The following PTPRD variants were observed in gnomAD, a reference collection of about 807,000 sequenced individuals.
The protein encoded by PTPRD is protein tyrosine phosphatase receptor type D, also known as receptor-type tyrosine-protein phosphatase delta.
In PTPRD, 34 loss-of-function variants were observed where a neutral mutation model predicts 214.5. That is an observed-to-expected ratio of 0.16 (90% confidence interval 0.12 to 0.21). The LOEUF (loss-of-function observed/expected upper bound fraction) is 0.21, where lower values mean the gene tolerates loss of function less well. Among genes scored for constraint, PTPRD ranks in the 10% least tolerant of loss-of-function variants. The pLI is 1.00. For missense variants in PTPRD, 2,545 were observed against 2,398.7 expected (o/e 1.06, Z -1.27); for synonymous variants, 1,128 against 845.7 (o/e 1.33, Z -5.79).
intron 2 of PTPRD, among the ~76,000 whole-genome samples, chr9:10,512,686 G>T (rs1034740789): frequency 3.3e-5 from 5 of 152,222 alleles, no homozygotes; most frequent in African/African-American, 1.2e-4. Flanking sequence ...TGGAAGAAAG[G>T]TTGTGGGTGG....
chr9:9,504,641 G>T (rs991246439), intron 8 of PTPRD, among the ~76,000 whole-genome samples: 16 of 151,562 alleles, frequency 1.1e-4, no homozygotes. Flanking sequence ...AGTACTAAAA[G>T]TCTTAGCCAG....
intron 2 of PTPRD, among the ~76,000 whole-genome samples, chr9:10,346,044 C>G (rs2097074578): frequency 6.6e-6 from 1 of 152,042 alleles, no homozygotes; most frequent in African/African-American, 2.4e-5. Flanking sequence ...TCATATATGA[C>G]AACACAGAAA....
chr9:10,430,918 T>A (rs1279965533), intron 2 of PTPRD, among the ~76,000 whole-genome samples: 1 of 151,966 alleles, frequency 6.6e-6, no homozygotes, highest in Non-Finnish European at 1.5e-5. Context: ...ATGGACATAT[T>A]TTAAGCTTTT....
rs1219020029 is a variant in PTPRD at position 9,315,491 on chromosome 9, GT to G, written c.-203+81957del. 5.3e-5 allele frequency among the ~76,000 whole-genome samples: 8 copies of G among 152,062 alleles called. No individual in the cohort carries two copies. The East Asian group carries it at 5.8e-4, about 11-fold the overall frequency. On this transcript the variant is annotated intron_variant, in intron 9 of 45. Transcript: ENST00000381196. ...CTGCCCATCCAATTCCAAAGTCTAT[GT>G]TTTTCTATATACCACACATTAATTC...
intron 7 of PTPRD, among the ~76,000 whole-genome samples, chr9:9,696,728 T>A (rs1177496112): frequency 6.6e-6 from 1 of 152,156 alleles, no homozygotes; most frequent in Admixed American, 6.6e-5. Context: ...AGGCAGCATA[T>A]AGTTGTGCCT....
At chr9:9,899,301 C>A (rs534548110) in intron 5 of PTPRD, among the ~76,000 whole-genome samples, 1 of 151,924 alleles carries the variant, frequency 6.6e-6, no homozygotes, top group Admixed American at 6.6e-5. Context: ...ACTTCTGAAC[C>A]GTGCATCTAA....
At chr9:8,523,557 A>G (rs368623322) in intron 18 of PTPRD, 33 bp from the exon 19 acceptor site, 73 of 1,611,846 alleles carry the variant, frequency 4.5e-5, no homozygotes, top group Non-Finnish European at 6.2e-5. Context: ...TGCAGAACAC[A>G]ATGAAATGAG....
At chr9:8,775,859 C>A (rs2095450549) in intron 11 of PTPRD, among the ~76,000 whole-genome samples, 1 of 140,948 alleles carries the variant, frequency 7.1e-6, no homozygotes. Flanking sequence ...AAAAATGATG[C>A]AATAATCTGC....
In PTPRD at chr9:9,780,174, C is replaced by T. The variant is rs185182116; in HGVS notation, c.-367-13323G>A. On this transcript the variant is annotated intron_variant, in intron 5 of 45. Transcript: ENST00000381196. ...CACAGAACAAGAAAGCCAAATATTG[C>T]GTATTCTCACTTATAAGTGGGAGCT... Among the ~76,000 whole-genome samples the T allele has an allele frequency of 2.3e-3, 354 of 152,166 alleles. 4 individuals carry two copies. The highest frequency in any genetic ancestry group is 3.4e-3 in the Non-Finnish European group (229 of 68,006).
At chr9:10,603,995 A>G (rs1039933590) in intron 2 of PTPRD, among the ~76,000 whole-genome samples, 3 of 151,862 alleles carry the variant, frequency 2.0e-5, no homozygotes, top group African/African-American at 7.2e-5. Flanking sequence ...TGTTAATAAC[A>G]CACCCTTTAA....
intron 27 of PTPRD, among the ~76,000 whole-genome samples, chr9:8,487,493 C>G (rs2097051118): frequency 6.6e-6 from 1 of 151,958 alleles, no homozygotes; most frequent in Admixed American, 6.6e-5. Flanking sequence ...ACTTTGGGAG[C>G]TGAGGTGGGA....
intron 7 of PTPRD, among the ~76,000 whole-genome samples, chr9:9,592,858 G>A (rs9407431): frequency 0.055 from 8,279 of 151,812 alleles, 332 homozygotes; most frequent in Non-Finnish European, 0.083. Flanking sequence ...CAGTCTGGCC[G>A]ACATGGTGAA....
rs971025074 is a variant in PTPRD at position 8,497,181 on chromosome 9, G to C, written c.2349+61C>G. On this transcript the variant is annotated intron_variant, in intron 26 of 45. Coordinates refer to ENST00000381196, the MANE Select transcript of PTPRD (RefSeq NM_002839.4). ...ATGACAGATCACAAATAAGTGAAAG[G>C]ATGTCAGAGAAAACAAGCATATATA... The C allele has an allele frequency of 7.3e-6, 10 of 1,372,140 alleles. No homozygotes were observed. The African/African-American group carries it at 1.5e-4, about 20-fold the overall frequency. 85.0% of individuals were successfully genotyped at this position (1,372,140 alleles called of 1,614,324 possible).
intron 4 of PTPRD, among the ~76,000 whole-genome samples, chr9:10,006,455 C>G (rs1297928833): frequency 1.3e-5 from 2 of 151,856 alleles, no homozygotes; most frequent in Non-Finnish European, 2.9e-5. Context: ...GTTACTTATT[C>G]TTTATGATCT....
rs368047728 is a variant in PTPRD at position 8,423,101 on chromosome 9, G to A, written c.4086+13491C>T. On this transcript the variant is annotated intron_variant, in intron 35 of 45. Transcript: ENST00000381196. Reference sequence around the variant, plus strand: ...GGAAACCTGACATCAGAATCTGAACGTTATTACATTTACATTAAATCATGT... The same window carrying A: ...GGAAACCTGACATCAGAATCTGAACATTATTACATTTACATTAAATCATGT... 7.2e-5 allele frequency among the ~76,000 whole-genome samples: 11 copies of A among 152,210 alleles called. 1 individual carries two copies. In the South Asian group the frequency reaches 1.2e-3, roughly 17 times the overall value.
At chr9:10,528,716 G>A (rs527494211) in intron 2 of PTPRD, among the ~76,000 whole-genome samples, 2 of 152,252 alleles carry the variant, frequency 1.3e-5, no homozygotes, top group African/African-American at 2.4e-5. Flanking sequence ...TAGCTTGCTT[G>A]TATAATCCTG....
At chr9:9,062,252 T>A (rs890629403) in intron 10 of PTPRD, among the ~76,000 whole-genome samples, 2 of 152,190 alleles carry the variant, frequency 1.3e-5, no homozygotes, top group African/African-American at 4.8e-5. Flanking sequence ...GACCTTCATT[T>A]TAATAACCAG....
At chr9:8,622,538 A>T (rs924132389) in intron 14 of PTPRD, among the ~76,000 whole-genome samples, 2 of 151,986 alleles carry the variant, frequency 1.3e-5, no homozygotes, top group African/African-American at 4.8e-5. Flanking sequence ...CTGCCTTGTC[A>T]TTTTAACCAA....
chr9:10,117,435 C>T (rs919567062), intron 3 of PTPRD, among the ~76,000 whole-genome samples: 1 of 152,056 alleles, frequency 6.6e-6, no homozygotes, highest in African/African-American at 2.4e-5. Context: ...TATTCTGTCA[C>T]AGTTCTGGAG....
Sources: gnomAD v4.1 joint callset for allele counts (sites outside exome capture counted in the v4.1 genomes callset) on GRCh38, gnomAD v4.1.1 for gene constraint, MANE v1.5 for transcripts, NCBI Gene and HGNC (gene_info 2026-07-23, HGNC 2026-07-21) for gene names.